The following INPP4A variants were observed in gnomAD, a reference collection of about 807,000 sequenced individuals.
INPP4A encodes the protein inositol polyphosphate-4-phosphatase type I A.
INPP4A carries 33 observed loss-of-function variants against 119.8 expected under a neutral mutation model. The ratio of observed to expected loss-of-function variants is 0.28; its 90% CI spans 0.21 to 0.37. INPP4A has a LOEUF of 0.37. Ranked by LOEUF, INPP4A falls within the 10% of genes least tolerant of loss-of-function variation. The pLI is 1.00. For synonymous variants in INPP4A, 496 were observed against 500.7 expected, an observed-to-expected ratio of 0.99 and a Z score of 0.12; for missense variants, 956 against 1,289.9, an observed-to-expected ratio of 0.74 and a Z score of 3.97.
At chr2:98,499,160 C>T (rs1391788957) in intron 1 of INPP4A, among the ~76,000 whole-genome samples, 1 of 152,182 alleles carries the variant, frequency 6.6e-6, no homozygotes, top group Non-Finnish European at 1.5e-5. Context: ...TCTTTCTACC[C>T]TTCTTCATAT....
intron 1 of INPP4A, among the ~76,000 whole-genome samples, chr2:98,474,490 C>T (rs922315281): frequency 1.3e-5 from 2 of 152,228 alleles, no homozygotes; most frequent in African/African-American, 2.4e-5. Flanking sequence ...ACGCTGGCAC[C>T]ACATGGCCGC....
intron 1 of INPP4A, among the ~76,000 whole-genome samples, chr2:98,450,069 T>C (rs1694953940): frequency 6.6e-6 from 1 of 152,204 alleles, no homozygotes; most frequent in South Asian, 2.1e-4. Flanking sequence ...TTGGCAGCTT[T>C]AGAATGTTTT....
chr2:98,571,595 G>A (rs1697463392), intron 22 of INPP4A, among the ~76,000 whole-genome samples: 2 of 152,240 alleles, frequency 1.3e-5, no homozygotes, highest in Admixed American at 1.3e-4. Flanking sequence ...GGACCACGCA[G>A]GCAGGAACTA....
At position 98,554,334 on chromosome 2, in the gene INPP4A, G is replaced by A. The variant is rs750178020; in HGVS notation, c.1411G>A (p.Ala471Thr). Residue 471 changes from alanine (A) to threonine (T), a missense_variant, in exon 15 of 25, where the codon GCT becomes ACT. Physicochemically the swap from Ala to Thr is moderately conservative, Grantham distance 58. This residue lies in a region of INPP4A where 652 missense variants were observed against 797.9 expected (regional missense o/e 0.82). Transcript: ENST00000409851. This position sits in a 1 kb window ranked among gnomAD's most constrained non-coding sequence, Gnocchi z 4.7. ...LLANSIHGLN[A>T]ARPDYIASKA... ...GGCCAACTCCATCCATGGGCTGAAC[G>A]CTGCACGGCCTGACTACATTGCCTC... is the stretch of plus-strand genomic sequence containing the variant. 4.3e-6 allele frequency: 7 copies of A among 1,613,128 alleles called. No individual in the cohort carries two copies. Among genetic ancestry groups the A allele is most frequent in the Middle Eastern group, 3.3e-4 (2 of 6,024 alleles).
Position 98,564,571 on chromosome 2 carries a change from G to A in INPP4A, c.2029-69G>A, listed in dbSNP as rs555049388. On this transcript the variant is annotated intron_variant, in intron 18 of 24. Transcript: ENST00000409851. ...AGAGGAAGGGGGCGGTGGGGGGCTG[G>A]GCATGATCTGACTGCCATTTGGTGA... The A allele has an allele frequency of 3.3e-4, 522 of 1,594,050 alleles. 1 individual carries two copies. Among genetic ancestry groups the A allele is most frequent in the South Asian group, 1.2e-3 (110 of 89,084 alleles).
At chr2:98,458,356 A>G (rs1161213120) in intron 1 of INPP4A, among the ~76,000 whole-genome samples, 2 of 151,944 alleles carry the variant, frequency 1.3e-5, no homozygotes, top group Non-Finnish European at 2.9e-5. Context: ...GAAAAAAAAA[A>G]TCATCAAATA....
rs528967937 is a variant in INPP4A, at chr2:98,519,531, G to A, written c.-103-415G>A. 7.8e-5 allele frequency: 12 copies of A among 153,554 alleles called. 1 individual carries two copies. The South Asian group carries it at 2.0e-3, about 26-fold the overall frequency. 9.5% of individuals were successfully genotyped at this position (153,554 alleles called of 1,614,324 possible). Reference sequence around the variant, plus strand: ...GTGTTTTGCCACCTGTATGTAGCCCGTGGACAGCAGACTCTTCTGCAGCTC... The same window carrying A: ...GTGTTTTGCCACCTGTATGTAGCCCATGGACAGCAGACTCTTCTGCAGCTC... On this transcript the variant is annotated intron_variant, in intron 2 of 24. Coordinates refer to ENST00000409851, the MANE Select transcript of INPP4A (RefSeq NM_001134225.2).
chr2:98,561,580 A>AT (rs1450284760), intron 17 of INPP4A, among the ~76,000 whole-genome samples: 2 of 151,592 alleles, frequency 1.3e-5, no homozygotes, highest in Non-Finnish European at 2.9e-5. Context: ...ATTTTTTTTC[A>AT]TTTTTTTCCT....
intron 1 of INPP4A, among the ~76,000 whole-genome samples, chr2:98,483,491 T>C (rs190616715): frequency 1.3e-5 from 2 of 152,140 alleles, no homozygotes; most frequent in African/African-American, 4.8e-5. Context: ...TGATGGATCA[T>C]GTTCCCCCCC....
At chr2:98,485,244 G>A (rs914683410) in intron 1 of INPP4A, among the ~76,000 whole-genome samples, 3 of 152,212 alleles carry the variant, frequency 2.0e-5, no homozygotes, top group Non-Finnish European at 4.4e-5. Flanking sequence ...AAACATTTTA[G>A]ACTGAAATAA....
intron 1 of INPP4A, among the ~76,000 whole-genome samples, chr2:98,479,294 G>A (rs372366307): frequency 6.6e-6 from 1 of 152,188 alleles, no homozygotes; most frequent in Non-Finnish European, 1.5e-5. Flanking sequence ...GGTATCTGCT[G>A]TGCCTTGGGT....
chr2:98,582,951 C>T (rs922867769), intron 24 of INPP4A, among the ~76,000 whole-genome samples: 3 of 151,776 alleles, frequency 2.0e-5, no homozygotes, highest in Non-Finnish European at 4.4e-5. Context: ...CTCCTGCATA[C>T]GCCAGACACA....
intron 1 of INPP4A, among the ~76,000 whole-genome samples, chr2:98,472,729 G>A (rs749577178): frequency 1.5e-4 from 23 of 152,264 alleles, no homozygotes; most frequent in Non-Finnish European, 3.2e-4. Flanking sequence ...GAGGAGTGAG[G>A]TTTGAGAACC....
intron 17 of INPP4A, among the ~76,000 whole-genome samples, chr2:98,562,926 A>G (rs192417417): frequency 2.8e-4 from 42 of 152,284 alleles, no homozygotes; most frequent in African/African-American, 9.9e-4. Context: ...GCTGTGGGGA[A>G]TAGTCCTCCT....
rs576115866 is a variant in INPP4A, at chr2:98,559,356, C to T, written c.1823-107C>T. 150 of 1,266,268 alleles carry T rather than the reference C, an allele frequency of 1.2e-4. 1 individual carries two copies. The Admixed American group carries it at 2.1e-3, about 18-fold the overall frequency. The allele number at this position is 1,266,268 out of a possible 1,614,324, so 78.4% of individuals were successfully genotyped here. A position where few individuals can be genotyped will look rare whatever the true frequency, so the allele number is the denominator to read the frequency against. ...CCAGACCTCTTTTCTGTTTGTTAGC[C>T]GCCTTACTGCAAGCTGCTGACGCAG... On this transcript the variant is annotated intron_variant, in intron 16 of 24. Transcript: ENST00000409851.
chr2:98,515,142 T>A (rs1176455805), intron 1 of INPP4A, among the ~76,000 whole-genome samples: 1 of 152,182 alleles, frequency 6.6e-6, no homozygotes, highest in Non-Finnish European at 1.5e-5. Context: ...AAGGTGATAT[T>A]TGTCTTTCTG....
chr2:98,515,564 T>A (rs1289200276), intron 1 of INPP4A, among the ~76,000 whole-genome samples: 1 of 152,126 alleles, frequency 6.6e-6, no homozygotes, highest in Non-Finnish European at 1.5e-5. Context: ...TTGAAAAAAA[T>A]CACTCTGAGC....
intron 1 of INPP4A, among the ~76,000 whole-genome samples, chr2:98,464,412 G>T (rs188422423): frequency 6.6e-6 from 1 of 152,302 alleles, no homozygotes; most frequent in Admixed American, 6.5e-5. Flanking sequence ...ATCGAGAGTG[G>T]GGGTGCACAG....
intron 5 of INPP4A, 28 bp from the exon 6 acceptor site, chr2:98,535,701 G>A: frequency 1.9e-6 from 2 of 1,062,172 alleles, no homozygotes; most frequent in Non-Finnish European, 1.4e-6. Flanking sequence ...CCAACCCTGT[G>A]TTCTGATTAT....
Sources: allele counts gnomAD v4.1 joint callset (sites outside exome capture counted in the v4.1 genomes callset), GRCh38; gene constraint gnomAD v4.1.1; regional missense constraint gnomAD v4.1.1; non-coding constraint Gnocchi (gnomAD v3.1); transcripts MANE v1.5; gene names NCBI Gene and HGNC (gene_info 2026-07-23, HGNC 2026-07-21).